RNASEH2A: variants seen among roughly 807,000 people sequenced by gnomAD.
RNASEH2A encodes ribonuclease H2 subunit A.
In RNASEH2A, 30 loss-of-function variants were observed where a neutral mutation model predicts 32.7. That is an observed-to-expected ratio of 0.92 (90% CI 0.69 to 1.25). The LOEUF (loss-of-function observed/expected upper bound fraction) is 1.25, where lower values mean the gene tolerates loss of function less well. Among genes scored for constraint, RNASEH2A ranks in the 50% most tolerant of loss-of-function variants. The probability of loss-of-function intolerance (pLI) is 0.00; values close to 1 mark genes in which losing one functional copy is unlikely to be tolerated. For synonymous variants in RNASEH2A, 147 were observed against 165.4 expected (o/e 0.89, Z 0.86); for missense variants, 409 against 398.1 (o/e 1.03, Z -0.23).
In RNASEH2A at chr19:12,810,324, G is replaced by A. The variant is rs753679297; in HGVS notation, c.557G>A (p.Arg186Gln). Reference protein sequence around the residue: ...SAASICAKVARDQAVKKWQFV... With the variant: ...SAASICAKVAQDQAVKKWQFV... ...TGCCTGTTTTGCCCACAGGTGGCCCGGGACCAGGCCGTGAAGAAATGGCAG... is the reference window on the plus strand; with the variant it reads ...TGCCTGTTTTGCCCACAGGTGGCCCAGGACCAGGCCGTGAAGAAATGGCAG... The change falls in exon 6 of 8, where the codon CGG becomes CAG. Residue 186 changes from arginine to glutamine, a missense_variant. Coordinates refer to ENST00000221486, the MANE Select transcript of RNASEH2A (RefSeq NM_006397.3). 5.0e-6 allele frequency: 8 copies of A among 1,614,162 alleles called. No individual in the cohort carries two copies. Among genetic ancestry groups the A allele is most frequent in the Middle Eastern group, 1.6e-4 (1 of 6,062 alleles).
In RNASEH2A at chr19:12,806,947, A is replaced by T. The variant is rs55668927; in HGVS notation, c.128-61A>T. 0.076 allele frequency: 121,780 copies of T among 1,607,316 alleles called. 5,053 individuals carry two copies. Among genetic ancestry groups the T allele is most frequent in the African/African-American group, 0.15 (11,001 of 74,812 alleles). On this transcript the variant is annotated intron_variant, in intron 1 of 7. Transcript: ENST00000221486. Reference sequence around the variant, plus strand: ...GATGATAGAACAGGGATGAATGGCAACTTTCACGGGCTCAGTGATTGGACC... The same window carrying T: ...GATGATAGAACAGGGATGAATGGCATCTTTCACGGGCTCAGTGATTGGACC...
rs185439092 is a variant in RNASEH2A, at chr19:12,808,527, C to T, written c.411+1021C>T. 9.1e-4 allele frequency among the ~76,000 whole-genome samples: 138 copies of T among 152,222 alleles called. 1 individual carries two copies. The highest frequency in any genetic ancestry group is 1.5e-3 in the Non-Finnish European group (101 of 68,016). On this transcript the variant is annotated intron_variant, in intron 4 of 7. Coordinates refer to ENST00000221486, the MANE Select transcript of RNASEH2A (RefSeq NM_006397.3). ...CCCAGGACACCCCCCACTCCCTGGA[C>T]ACCTGCTGAGTGTCGTCTCTCGTCC... is the stretch of plus-strand genomic sequence containing the variant.
chr19:12,813,056 C>T, intron 6 of RNASEH2A, 27 bp from the exon 7 acceptor site: 1 of 1,613,606 alleles, frequency 6.2e-7, no homozygotes, highest in South Asian at 1.1e-5. Flanking sequence ...GCAACTTGGA[C>T]TGTCACCATT....
At chr19:12,809,907 C>A (rs772203588) in intron 4 of RNASEH2A, among the ~76,000 whole-genome samples, 164 bp from the exon 5 acceptor site, 1 of 152,158 alleles carries the variant, frequency 6.6e-6, no homozygotes, top group Non-Finnish European at 1.5e-5. Flanking sequence ...AACAACTTTG[C>A]CTGGTCTAGG....
In RNASEH2A at chr19:12,813,196, G is replaced by T; in HGVS notation, c.751G>T (p.Asp251Tyr). 1.2e-6 allele frequency: 2 copies of T among 1,614,054 alleles called. No individual in the cohort carries two copies. The highest frequency in any genetic ancestry group is 1.7e-6 in the Non-Finnish European group (2 of 1,180,002). ...AQTILEKEAE[D>Y]VIWEDSASEN... ...GACCATCCTGGAGAAAGAGGCGGAA[G>T]ATGTTATATGGTGGGTGTCATGGAT... is the stretch of plus-strand genomic sequence containing the variant. The change falls in exon 7 of 8, where the codon GAT becomes TAT. Residue 251 changes from aspartate (D) to tyrosine (Y), a missense_variant. Transcript: ENST00000221486.
In RNASEH2A at chr19:12,807,665, C is replaced by T. The variant is rs143926744; in HGVS notation, c.411+159C>T. On this transcript the variant is annotated intron_variant, in intron 4 of 7. Transcript: ENST00000221486. ...CAAAAATGGAGGCAGGGCGCAGTGGCTCACGCCTATAATCGCAGCACTTTG... is the reference window on the plus strand; with the variant it reads ...CAAAAATGGAGGCAGGGCGCAGTGGTTCACGCCTATAATCGCAGCACTTTG... 7.4e-3 allele frequency: 5,314 copies of T among 719,542 alleles called. 54 individuals carry two copies. The highest frequency in any genetic ancestry group is 0.021 in the Admixed American group (1,044 of 48,826). 44.6% of individuals were successfully genotyped at this position (719,542 alleles called of 1,614,324 possible).
chr19:12,810,294 C>T, intron 5 of RNASEH2A, 23 bp from the exon 6 acceptor site: 13 of 1,614,062 alleles, frequency 8.1e-6, no homozygotes, highest in Non-Finnish European at 1.1e-5. Flanking sequence ...GAGGGAGATT[C>T]CAGGTGCCTG....
Position 12,806,802 on chromosome 19 carries a change from T to A in RNASEH2A, c.127+2T>A. The A allele has an allele frequency of 1.3e-6, 2 of 1,577,338 alleles. No homozygotes were observed. Among genetic ancestry groups the A allele is most frequent in the Non-Finnish European group, 1.7e-6 (2 of 1,161,414 alleles). On this transcript the variant is annotated splice_donor_variant, in intron 1 of 7. Coordinates refer to ENST00000221486, the MANE Select transcript of RNASEH2A (RefSeq NM_006397.3). LOFTEE classifies it high-confidence loss of function. ...AGGCGGGCAGGGGCCCCGTGCTGGG[T>A]GCGCCCCTAGGGCCAGGGAGGGGAG...
chr19:12,807,680 G>A lies in RNASEH2A; in HGVS notation c.411+174G>A, dbSNP rs190584037. On this transcript the variant is annotated intron_variant, in intron 4 of 7. Transcript: ENST00000221486. Reference sequence around the variant, plus strand: ...GGCGCAGTGGCTCACGCCTATAATCGCAGCACTTTGGGAAGCCGCGGCGGG... The same window carrying A: ...GGCGCAGTGGCTCACGCCTATAATCACAGCACTTTGGGAAGCCGCGGCGGG... 826 of 673,676 alleles carry A rather than the reference G, an allele frequency of 1.2e-3. 5 individuals carry two copies. The African/African-American group carries it at 0.013, about 11-fold the overall frequency. 41.7% of individuals were successfully genotyped at this position (673,676 alleles called of 1,614,324 possible). A position where few individuals can be genotyped will look rare whatever the true frequency, so the allele number is the denominator to read the frequency against.
chr19:12,811,163 G>C (rs1427304824), intron 6 of RNASEH2A, among the ~76,000 whole-genome samples: 3 of 152,304 alleles, frequency 2.0e-5, no homozygotes, highest in Non-Finnish European at 4.4e-5. Context: ...GTGTTAGACA[G>C]TGGTGCCATT....
chr19:12,807,424 AAT>A lies in RNASEH2A; in HGVS notation c.331_332del (p.Tyr111GlnfsTer8). On this transcript the variant is annotated frameshift_variant, in exon 4 of 8. Coordinates refer to ENST00000221486, the MANE Select transcript of RNASEH2A (RefSeq NM_006397.3). LOFTEE classifies it high-confidence loss of function. ...GGCTCTGTTCCCCACCACAGGGTCA[AAT>A]ACAACCTGAACTCCCTGTCACATGA... The A allele has an allele frequency of 6.2e-7, 1 of 1,614,226 alleles. No individual in the cohort carries two copies.
Position 12,810,322 on chromosome 19 carries a change from C to G in RNASEH2A, c.555C>G (p.Ala185=). The G allele has an allele frequency of 6.2e-7, 1 of 1,614,120 alleles. No individual in the cohort carries two copies. Among genetic ancestry groups the G allele is most frequent in the Non-Finnish European group, 8.5e-7 (1 of 1,180,020 alleles). The part of the protein sequence containing the change: ...VSAASICAKV[A]RDQAVKKWQF... ...GGTGCCTGTTTTGCCCACAGGTGGC[C>G]CGGGACCAGGCCGTGAAGAAATGGC... is the stretch of plus-strand genomic sequence containing the variant. The change falls in exon 6 of 8, where the codon GCC becomes GCG. Residue 185 remains alanine (A), a synonymous_variant. Coordinates refer to ENST00000221486, the MANE Select transcript of RNASEH2A (RefSeq NM_006397.3).
rs1568388843 is a variant in RNASEH2A, at chr19:12,813,394, G to T, written c.828G>T (p.Gly276=). Residue 276 remains glycine, a synonymous_variant, in exon 8 of 8, where the codon GGG becomes GGT. Transcript: ENST00000221486. Reference sequence around the variant, plus strand: ...TCACATCCTACTTCCTCAATGAAGGGTCCCAAGCCCGTCCCCGTTCTTCCC... The same window carrying T: ...TCACATCCTACTTCCTCAATGAAGGTTCCCAAGCCCGTCCCCGTTCTTCCC... ...RKITSYFLNE[G]SQARPRSSHR... 6.2e-7 allele frequency: 1 copy of T among 1,614,116 alleles called. No homozygotes were observed. Among genetic ancestry groups the T allele is most frequent in the Middle Eastern group, 1.6e-4 (1 of 6,062 alleles).
chr19:12,807,102 G>T, intron 2 of RNASEH2A, 23 bp downstream of exon 2: 1 of 1,614,148 alleles, frequency 6.2e-7, no homozygotes, highest in Non-Finnish European at 8.5e-7. Context: ...TGTGCGTCTG[G>T]GGAAGGGATT....
chr19:12,809,950 C>A, intron 4 of RNASEH2A, 121 bp from the exon 5 acceptor site: 1 of 1,283,036 alleles, frequency 7.8e-7, no homozygotes, highest in Non-Finnish European at 1.1e-6. Context: ...CCTGATTGAT[C>A]CATCCTGGGG....
chr19:12,808,273 T>C (rs1433915833), intron 4 of RNASEH2A, among the ~76,000 whole-genome samples: 1 of 152,028 alleles, frequency 6.6e-6, no homozygotes, highest in Non-Finnish European at 1.5e-5. Flanking sequence ...AAAAAATAAA[T>C]GTGGGCAAAA....
intron 4 of RNASEH2A, among the ~76,000 whole-genome samples, chr19:12,808,677 G>A (rs1037561841): frequency 6.6e-6 from 1 of 152,154 alleles, no homozygotes; most frequent in Non-Finnish European, 1.5e-5. Flanking sequence ...ATTCACAGTC[G>A]AGTGGGGCAG....
At chr19:12,813,007 G>C in intron 6 of RNASEH2A, 76 bp from the exon 7 acceptor site, 1 of 1,458,098 alleles carries the variant, frequency 6.9e-7, no homozygotes, top group Non-Finnish European at 9.4e-7. Flanking sequence ...CCATCTCAAA[G>C]AAAAAAAAAA....
In RNASEH2A at chr19:12,810,508, CTTA is replaced by C. The variant is rs1969058419; in HGVS notation, c.637+107_637+109del. The stretch of plus-strand genomic sequence containing the variant: ...TTCTGTCATTTATCATTTTATTTTG[CTTA>C]TTTTTTGTTTTTATTTGTTATTTTT... On this transcript the variant is annotated intron_variant, in intron 6 of 7. Transcript: ENST00000221486. 4.6e-6 allele frequency: 5 copies of C among 1,089,248 alleles called. No individual in the cohort carries two copies. In the East Asian group the frequency reaches 9.9e-5, roughly 22 times the overall value. The allele number at this position is 1,089,248 out of a possible 1,614,324, so 67.5% of individuals were successfully genotyped here. A position where few individuals can be genotyped will look rare whatever the true frequency, so the allele number is the denominator to read the frequency against.
Sources: allele counts gnomAD v4.1 joint callset (sites outside exome capture counted in the v4.1 genomes callset), GRCh38; gene constraint gnomAD v4.1.1; transcripts MANE v1.5; gene names NCBI Gene and HGNC (gene_info 2026-07-23, HGNC 2026-07-21).